BCR: variants seen among roughly 807,000 people sequenced by gnomAD.
BCR encodes BCR activator of RhoGEF and GTPase.
A neutral mutation model predicts 138.6 loss-of-function variants in BCR; 58 were observed. The ratio of observed to expected loss-of-function variants is 0.42; its 90% CI spans 0.34 to 0.52. BCR has a LOEUF of 0.52. Among genes scored for constraint, BCR ranks in the 20% least tolerant of loss-of-function variants. The pLI, the probability that BCR is intolerant of heterozygous loss-of-function variation, is 0.06. For synonymous variants in BCR, 786 were observed against 730.1 expected (o/e 1.08, Z -1.23); for missense variants, 1,599 against 1,727.2 (o/e 0.93, Z 1.32).
chr22:23,180,751 C>G lies in BCR; in HGVS notation c.-210C>G, dbSNP rs938337410. ...CAATAGCGGCGCGCGCAGCCCGCGC[C>G]CTTCCCCCCGGCGCGCCCCGCCCCG... On this transcript the variant is annotated 5_prime_UTR_variant, in exon 1 of 23. Transcript: ENST00000305877. 1.3e-5 allele frequency: 2 copies of G among 152,296 alleles called. No homozygotes were observed. The highest frequency in any genetic ancestry group is 4.9e-5 in the African/African-American group (2 of 40,720). 9.4% of individuals were successfully genotyped at this position (152,296 alleles called of 1,614,324 possible).
In BCR at chr22:23,181,943, A is replaced by G. The variant is rs377165672; in HGVS notation, c.983A>G (p.Tyr328Cys). ...AGTTTTGAGGATTGCGGAGGCGGCTATACCCCGGACTGCAGCTCCAATGAG... is the reference window on the plus strand; with the variant it reads ...AGTTTTGAGGATTGCGGAGGCGGCTGTACCCCGGACTGCAGCTCCAATGAG... ...PRSFEDCGGG[Y>C]TPDCSSNENL... The change falls in exon 1 of 23, where the codon TAT becomes TGT. Residue 328 changes from tyrosine to cysteine, a missense_variant. Coordinates refer to ENST00000305877, the MANE Select transcript of BCR (RefSeq NM_004327.4). The G allele has an allele frequency of 8.1e-6, 13 of 1,612,642 alleles. No individual in the cohort carries two copies. The East Asian group carries it at 1.1e-4, about 14-fold the overall frequency.
At chr22:23,308,821 C>A (rs1371166486) in intron 16 of BCR, among the ~76,000 whole-genome samples, 1 of 150,546 alleles carries the variant, frequency 6.6e-6, no homozygotes, top group Admixed American at 6.6e-5. Flanking sequence ...TGCAGGCTAG[C>A]TGTCTGGATA....
chr22:23,294,912 G>T, intron 15 of BCR, 112 bp from the exon 16 acceptor site: 1 of 1,365,822 alleles, frequency 7.3e-7, no homozygotes, highest in Non-Finnish European at 1.0e-6. Context: ...TCAGGCATTG[G>T]TCCCTCTGGG....
At position 23,181,333 on chromosome 22, in the gene BCR, A is replaced by G; in HGVS notation, c.373A>G (p.Lys125Glu). 1 of 1,436,420 alleles carries G rather than the reference A, an allele frequency of 7.0e-7. No homozygotes were observed. Among genetic ancestry groups the G allele is most frequent in the Non-Finnish European group, 9.1e-7 (1 of 1,099,954 alleles). The allele number at this position is 1,436,420 out of a possible 1,614,324, so 89.0% of individuals were successfully genotyped here. Reference protein sequence around the residue: ...ARPDGEGSPGKARPGTARRPG... With the variant: ...ARPDGEGSPGEARPGTARRPG... ...GCCCGACGGCGAGGGTTCTCCGGGT[A>G]AGGCCAGGCCCGGGACCGCCCGCAG... is the stretch of plus-strand genomic sequence containing the variant. The change falls in exon 1 of 23, where the codon AAG (lysine) becomes GAG (glutamate). Residue 125 changes from lysine (K) to glutamate (E), a missense_variant. Lys to Glu is a moderately conservative substitution (Grantham distance 56). Coordinates refer to ENST00000305877, the MANE Select transcript of BCR (RefSeq NM_004327.4).
chr22:23,298,002 G>A (rs994109652), intron 16 of BCR, among the ~76,000 whole-genome samples: 3 of 152,196 alleles, frequency 2.0e-5, no homozygotes, highest in Non-Finnish European at 2.9e-5. Context: ...AGTAAGTGTC[G>A]AAGAAAAACC....
intron 5 of BCR, 134 bp downstream of exon 5, chr22:23,268,649 G>A (rs1280098307): frequency 7.3e-6 from 6 of 823,196 alleles, no homozygotes; most frequent in South Asian, 3.0e-5. Flanking sequence ...TGTTGGGTTC[G>A]TTGCGTCAGC....
rs757952735 is a variant in BCR at position 23,287,206 on chromosome 22, G to C, written c.2454G>C (p.Leu818=). 1.3e-5 allele frequency: 20 copies of C among 1,568,448 alleles called. No individual in the cohort carries two copies. Among genetic ancestry groups the C allele is most frequent in the Non-Finnish European group, 1.7e-5 (20 of 1,156,010 alleles). ...CTACGGAGAGGCTGAAGAAGAAGCT[G>C]TCGGAGCAGGAGTCACTGCTGCTGC... ...SKATERLKKK[L]SEQESLLLLM... The change falls in exon 11 of 23, where the codon CTG becomes CTC. Residue 818 remains leucine, a synonymous_variant. Coordinates refer to ENST00000305877, the MANE Select transcript of BCR (RefSeq NM_004327.4).
intron 7 of BCR, 94 bp downstream of exon 7, chr22:23,273,227 C>A: frequency 7.2e-7 from 1 of 1,393,678 alleles, no homozygotes; most frequent in Non-Finnish European, 9.9e-7. Flanking sequence ...GTTGTCATAG[C>A]TGCAGCCAAG....
At chr22:23,271,927 G>A (rs1212094593) in intron 6 of BCR, among the ~76,000 whole-genome samples, 1 of 151,866 alleles carries the variant, frequency 6.6e-6, no homozygotes, top group East Asian at 1.9e-4. Context: ...CCGGGTTCAA[G>A]TGATCCTCCT....
intron 10 of BCR, among the ~76,000 whole-genome samples, chr22:23,285,934 C>A (rs1034902012): frequency 2.0e-5 from 3 of 152,214 alleles, no homozygotes; most frequent in Non-Finnish European, 4.4e-5. Context: ...CTCAGTCAGC[C>A]GGGCGGGAGA....
At chr22:23,253,326 G>A (rs1398111468) in intron 1 of BCR, among the ~76,000 whole-genome samples, 1 of 152,064 alleles carries the variant, frequency 6.6e-6, no homozygotes, top group East Asian at 1.9e-4. Context: ...TTCAACTGTG[G>A]GTCTTCCCCA....
In BCR at chr22:23,182,048, T is replaced by G. The variant is rs760995586; in HGVS notation, c.1088T>G (p.Phe363Cys). ...VSPSPTTYRM[F>C]RDKSRSPSQN... ...CCAAGCCCCACCACCTACCGCATGTTCCGGGACAAAAGCCGCTCTCCCTCG... is the reference window on the plus strand; with the variant it reads ...CCAAGCCCCACCACCTACCGCATGTGCCGGGACAAAAGCCGCTCTCCCTCG... The change falls in exon 1 of 23, where the codon TTC (phenylalanine) becomes TGC (cysteine). Residue 363 changes from phenylalanine to cysteine, a missense_variant. Phe to Cys is a radical substitution (Grantham distance 205, BLOSUM62 -2). Around this residue, in one of 4 missense-constraint regions of BCR, gnomAD observed 806 missense variants for 635.0 expected, o/e 1.27. Transcript: ENST00000305877. The G allele has an allele frequency of 3.5e-5, 57 of 1,613,740 alleles. No homozygotes were observed. The highest frequency in any genetic ancestry group is 1.7e-4 in the Middle Eastern group (1 of 6,060).
chr22:23,259,873 A>G (rs2146273662), intron 2 of BCR, among the ~76,000 whole-genome samples: 1 of 152,250 alleles, frequency 6.6e-6, no homozygotes, highest in Non-Finnish European at 1.5e-5. Context: ...ATGAGGTCCC[A>G]GCTACTTGGG....
chr22:23,273,547 C>A, intron 7 of BCR, 87 bp from the exon 8 acceptor site: 1 of 1,569,856 alleles, frequency 6.4e-7, no homozygotes, highest in Non-Finnish European at 8.7e-7. Context: ...CTCTGGGCTC[C>A]GTCCACACTT....
intron 16 of BCR, 44 bp downstream of exon 16, chr22:23,295,199 C>T: frequency 1.2e-6 from 2 of 1,605,770 alleles, no homozygotes; most frequent in Non-Finnish European, 1.7e-6. Flanking sequence ...TGCATGGCGT[C>T]CTTTTTCATG....
chr22:23,258,872 G>A (rs775911782), intron 2 of BCR, among the ~76,000 whole-genome samples: 14 of 152,210 alleles, frequency 9.2e-5, no homozygotes, highest in African/African-American at 3.1e-4. Flanking sequence ...CCAGTTCCAC[G>A]CCTGTGAGCC....
At chr22:23,275,336 C>T (rs1348607159) in intron 8 of BCR, among the ~76,000 whole-genome samples, 1 of 152,252 alleles carries the variant, frequency 6.6e-6, no homozygotes, top group Non-Finnish European at 1.5e-5. Context: ...TAGAGCTTCT[C>T]CCAACTGGGC....
rs1417815309 is a variant in BCR, at chr22:23,226,323, A to AGTGT, written c.1280-27475_1280-27474insTGTG. Among the ~76,000 whole-genome samples, 142 of 51,670 alleles carry AGTGT rather than the reference A, an allele frequency of 2.7e-3. 1 individual carries two copies. The highest frequency in any genetic ancestry group is 0.011 in the Middle Eastern group (1 of 88). 33.9% of individuals were successfully genotyped at this position (51,670 alleles called of 152,430 possible). ...AAGTGTATGAGAGAGAGAGAGAGAG[A>AGTGT]GAGAGTGTGTGTGTGTGTGTGTGTG... On this transcript the variant is annotated intron_variant, in intron 1 of 22. Coordinates refer to ENST00000305877, the MANE Select transcript of BCR (RefSeq NM_004327.4).
chr22:23,218,158 G>T (rs1057319609), intron 1 of BCR, among the ~76,000 whole-genome samples: 2 of 152,208 alleles, frequency 1.3e-5, no homozygotes, highest in Non-Finnish European at 2.9e-5. Context: ...TCCCTTTGGT[G>T]TGGGGTTTGT....
Sources: allele counts gnomAD v4.1 joint callset (sites outside exome capture counted in the v4.1 genomes callset), GRCh38; gene constraint gnomAD v4.1.1; regional missense constraint gnomAD v4.1.1; transcripts MANE v1.5; gene names NCBI Gene and HGNC (gene_info 2026-07-23, HGNC 2026-07-21).